NR2F1-AS1: variants seen among roughly 807,000 people sequenced by gnomAD.
NR2F1-AS1 encodes the protein NR2F1 regulatory antisense RNA 1, also known as NR2F1 antisense RNA 1.
At chr5:93,454,140 G>A (rs1749896670) in intron 4 of NR2F1-AS1, among the ~76,000 whole-genome samples, 1 of 151,964 alleles carries the variant, frequency 6.6e-6, no homozygotes, top group Non-Finnish European at 1.5e-5. Context: ...AATTAGCTAG[G>A]CATTGTGGCA....
At chr5:93,412,251 T>C (rs1429375037) in intron 4 of NR2F1-AS1, among the ~76,000 whole-genome samples, 1 of 152,106 alleles carries the variant, frequency 6.6e-6, no homozygotes, top group East Asian at 1.9e-4. Context: ...GGCCCTCTTC[T>C]CCTCAGCCTG....
At chr5:93,543,493 A>G (rs566831017) in intron 4 of NR2F1-AS1, 1 of 152,188 alleles carries the variant, frequency 6.6e-6, no homozygotes, top group Non-Finnish European at 1.5e-5. Flanking sequence ...CATTTGCAGC[A>G]GATCAGACCC....
chr5:93,515,726 A>G (rs1274090652), intron 4 of NR2F1-AS1, among the ~76,000 whole-genome samples: 1 of 151,904 alleles, frequency 6.6e-6, no homozygotes, highest in African/African-American at 2.4e-5. Context: ...TGTCTGCAGT[A>G]TAAATTGGGC....
At chr5:93,506,716 C>T (rs1751192624) in intron 4 of NR2F1-AS1, among the ~76,000 whole-genome samples, 1 of 152,090 alleles carries the variant, frequency 6.6e-6, no homozygotes, top group Non-Finnish European at 1.5e-5. Flanking sequence ...AAGGACCAGC[C>T]CCCATGTTTC....
chr5:93,567,515 T>C (rs531246931), intron 1 of NR2F1-AS1, among the ~76,000 whole-genome samples: 1 of 152,324 alleles, frequency 6.6e-6, no homozygotes, highest in Non-Finnish European at 1.5e-5. Context: ...CTATTACTTG[T>C]AGAAGTCTTG....
At chr5:93,525,493 C>T (rs1285418933) in intron 4 of NR2F1-AS1, among the ~76,000 whole-genome samples, 2 of 151,654 alleles carry the variant, frequency 1.3e-5, no homozygotes, top group Admixed American at 6.6e-5. Flanking sequence ...TTGAACTCAG[C>T]TCTGGATAAG....
At chr5:93,429,689 G>A (rs1246798289) in intron 4 of NR2F1-AS1, among the ~76,000 whole-genome samples, 1 of 152,204 alleles carries the variant, frequency 6.6e-6, no homozygotes, top group Non-Finnish European at 1.5e-5. Flanking sequence ...GTATGTGTAT[G>A]AGCTGCAAAA....
At chr5:93,414,597 C>A (rs77831757) in intron 4 of NR2F1-AS1, among the ~76,000 whole-genome samples, 1 of 152,042 alleles carries the variant, frequency 6.6e-6, no homozygotes, top group African/African-American at 2.4e-5. Context: ...TAGAGGCTGG[C>A]AAGGGCTCCT....
chr5:93,469,297 C>T (rs565713987), intron 4 of NR2F1-AS1, among the ~76,000 whole-genome samples: 2 of 152,026 alleles, frequency 1.3e-5, no homozygotes, highest in Non-Finnish European at 2.9e-5. Flanking sequence ...TGTAACTGTA[C>T]TTAATACTGT....
chr5:93,526,071 G>A (rs1314803342), intron 4 of NR2F1-AS1, among the ~76,000 whole-genome samples: 1 of 152,036 alleles, frequency 6.6e-6, no homozygotes, highest in Admixed American at 6.6e-5. Context: ...CCAAAAGCTG[G>A]ATTTCTTAAA....
chr5:93,553,935 T>C (rs1373873042), intron 3 of NR2F1-AS1: 2 of 152,288 alleles, frequency 1.3e-5, no homozygotes, highest in African/African-American at 4.8e-5. Flanking sequence ...ATAAAACCTA[T>C]GCCCTTGGTC....
chr5:93,504,549 A>G (rs115189708), intron 4 of NR2F1-AS1, among the ~76,000 whole-genome samples: 2,199 of 152,178 alleles, frequency 0.014, 63 homozygotes, highest in African/African-American at 0.05. Context: ...ATAAAGGCAT[A>G]CTCGAGACTG....
chr5:93,484,925 A>G (rs1299371049), intron 4 of NR2F1-AS1, among the ~76,000 whole-genome samples: 2 of 152,220 alleles, frequency 1.3e-5, no homozygotes, highest in Non-Finnish European at 2.9e-5. Flanking sequence ...TATCCTAAAT[A>G]TATATGCACC....
At chr5:93,445,703 G>A (rs1039391333) in intron 4 of NR2F1-AS1, among the ~76,000 whole-genome samples, 1 of 152,132 alleles carries the variant, frequency 6.6e-6, no homozygotes, top group Admixed American at 6.5e-5. Context: ...CATTTTATGA[G>A]GCCAGCATCA....
intron 2 of NR2F1-AS1, among the ~76,000 whole-genome samples, chr5:93,557,677 A>C (rs1238151212): frequency 2.0e-5 from 3 of 152,190 alleles, no homozygotes; most frequent in Non-Finnish European, 4.4e-5. Flanking sequence ...TGACTGATCA[A>C]GGTGGTGATT....
At chr5:93,479,512 C>T (rs1750556187) in intron 4 of NR2F1-AS1, among the ~76,000 whole-genome samples, 3 of 152,164 alleles carry the variant, frequency 2.0e-5, no homozygotes, top group Non-Finnish European at 4.4e-5. Flanking sequence ...AAATGAACAA[C>T]TGCTGCCTTC....
chr5:93,469,456 C>A (rs1349776687), intron 4 of NR2F1-AS1, among the ~76,000 whole-genome samples: 2 of 152,058 alleles, frequency 1.3e-5, no homozygotes, highest in Non-Finnish European at 2.9e-5. Context: ...CATTACCTTA[C>A]CTAACAAAAG....
intron 4 of NR2F1-AS1, among the ~76,000 whole-genome samples, chr5:93,428,950 G>T (rs1028262439): frequency 3.9e-5 from 6 of 152,108 alleles, no homozygotes; most frequent in Non-Finnish European, 8.8e-5. Flanking sequence ...CATTAAATTG[G>T]AAGCCAAGGG....
intron 4 of NR2F1-AS1, chr5:93,423,099 A>C (rs1749121332): frequency 6.6e-6 from 1 of 152,262 alleles, no homozygotes; most frequent in Admixed American, 6.6e-5. Flanking sequence ...CTTTCAGGGC[A>C]CATTTAGGGG....
Sources: allele counts gnomAD v4.1 joint callset (sites outside exome capture counted in the v4.1 genomes callset), GRCh38; gene constraint gnomAD v4.1.1; transcripts MANE v1.5; gene names NCBI Gene and HGNC (gene_info 2026-07-23, HGNC 2026-07-21).